The following SAMD12 variants were observed in gnomAD, a reference collection of about 807,000 sequenced individuals.
SAMD12 encodes sterile alpha motif domain containing 12.
In SAMD12, 9 loss-of-function variants were observed where a neutral mutation model predicts 15.0. The observed-to-expected ratio is 0.60, with a 90% CI of 0.36 to 1.05. The LOEUF is 1.05. Among genes scored for constraint, SAMD12 ranks in the 50% least tolerant of loss-of-function variants. The pLI is 0.01. For missense variants in SAMD12, 230 were observed against 234.2 expected, an observed-to-expected ratio of 0.98 and a Z score of 0.12; for synonymous variants, 86 against 90.1, an observed-to-expected ratio of 0.96 and a Z score of 0.25.
chr8:118,507,118 C>T (rs79681530), intron 2 of SAMD12, among the ~76,000 whole-genome samples: 3,576 of 152,136 alleles, frequency 0.024, 111 homozygotes, highest in African/African-American at 0.076. Context: ...TCACTGCATT[C>T]CATGAATTCT....
intron 4 of SAMD12, among the ~76,000 whole-genome samples, chr8:118,203,541 T>A (rs1038706951): frequency 3.9e-5 from 6 of 152,108 alleles, no homozygotes; most frequent in African/African-American, 1.4e-4. Context: ...TGAGGTTGGT[T>A]TGGAAGATAC....
chr8:118,465,271 G>A (rs1320637519), intron 2 of SAMD12, among the ~76,000 whole-genome samples: 1 of 152,160 alleles, frequency 6.6e-6, no homozygotes, highest in Non-Finnish European at 1.5e-5. Flanking sequence ...TTCAGATGGT[G>A]AGTGGAACTC....
intron 2 of SAMD12, among the ~76,000 whole-genome samples, chr8:118,552,010 G>C (rs1021320090): frequency 8.5e-4 from 129 of 151,342 alleles, no homozygotes; most frequent in African/African-American, 3.0e-3. Flanking sequence ...ACCAATAACA[G>C]GAGCTGAAAT....
At chr8:118,445,933 C>T (rs1337750645) in intron 2 of SAMD12, among the ~76,000 whole-genome samples, 1 of 152,104 alleles carries the variant, frequency 6.6e-6, no homozygotes, top group East Asian at 1.9e-4. Flanking sequence ...GGAATTGTAG[C>T]TTATTCATAT....
chr8:118,280,671 T>C (rs1441625238), intron 4 of SAMD12, among the ~76,000 whole-genome samples: 1 of 152,116 alleles, frequency 6.6e-6, no homozygotes, highest in East Asian at 1.9e-4. Flanking sequence ...AGAAAAGCAT[T>C]CTTCAGAAAT....
the SAMD12 span, among the ~76,000 whole-genome samples, chr8:118,170,637 A>G: frequency 6.6e-6 from 1 of 152,326 alleles, no homozygotes; most frequent in Middle Eastern, 3.4e-3. Context: ...TTGCAAAACA[A>G]TAACATGGGA....
At chr8:118,234,439 G>A (rs1312775825) in intron 4 of SAMD12, among the ~76,000 whole-genome samples, 3 of 152,054 alleles carry the variant, frequency 2.0e-5, no homozygotes, top group Admixed American at 6.6e-5. Flanking sequence ...TCTTCCTGAT[G>A]TGGCATTTAA....
intron 1 of SAMD12, among the ~76,000 whole-genome samples, chr8:118,603,793 T>C (rs753014138): frequency 2.6e-5 from 4 of 152,146 alleles, no homozygotes; most frequent in Non-Finnish European, 4.4e-5. Flanking sequence ...TCAGAATTCT[T>C]TGGTGGGGGG....
chr8:118,148,673 C>T, the SAMD12 span, among the ~76,000 whole-genome samples: 1 of 152,172 alleles, frequency 6.6e-6, no homozygotes, highest in Non-Finnish European at 1.5e-5. Flanking sequence ...ATCTTTCATA[C>T]CTTTGTGCAG....
chr8:118,219,835 G>A (rs1812047078), intron 4 of SAMD12, among the ~76,000 whole-genome samples: 1 of 152,226 alleles, frequency 6.6e-6, no homozygotes, highest in South Asian at 2.1e-4. Context: ...CACAGGCAAT[G>A]CCATGTGAAG....
chr8:118,198,411 T>C (rs1439399813), intron 4 of SAMD12, among the ~76,000 whole-genome samples: 3 of 152,226 alleles, frequency 2.0e-5, no homozygotes, highest in Non-Finnish European at 2.9e-5. Context: ...GTTATTTTAT[T>C]TGGGTACTCC....
intron 2 of SAMD12, among the ~76,000 whole-genome samples, chr8:118,517,304 A>T (rs866089142): frequency 1.3e-5 from 2 of 152,222 alleles, no homozygotes; most frequent in Non-Finnish European, 2.9e-5. Context: ...TTCAAAGGTC[A>T]ATCACAGTTG....
chr8:118,617,510 A>G (rs940601904), intron 1 of SAMD12, among the ~76,000 whole-genome samples: 2 of 152,252 alleles, frequency 1.3e-5, no homozygotes, highest in Non-Finnish European at 2.9e-5. Flanking sequence ...AAGAGCACAC[A>G]GTCTTGCATT....
At chr8:118,340,215 A>G (rs894189457) in intron 4 of SAMD12, among the ~76,000 whole-genome samples, 3 of 152,160 alleles carry the variant, frequency 2.0e-5, no homozygotes, top group Admixed American at 2.0e-4. Flanking sequence ...GAAAAACACA[A>G]AAGCTGAGCT....
intron 3 of SAMD12, among the ~76,000 whole-genome samples, chr8:118,414,680 C>A (rs1290137743): frequency 6.6e-6 from 1 of 152,066 alleles, no homozygotes; most frequent in East Asian, 1.9e-4. Flanking sequence ...TGGCAGTAAT[C>A]CCTTTCATAT....
intron 4 of SAMD12, chr8:118,282,323 G>A (rs1216521610): frequency 6.6e-6 from 3 of 456,230 alleles, no homozygotes; most frequent in East Asian, 7.0e-5. Flanking sequence ...AAGGACATGG[G>A]GCTCAAGGTA....
chr8:118,339,695 T>C (rs556032048), intron 4 of SAMD12, among the ~76,000 whole-genome samples: 2 of 152,346 alleles, frequency 1.3e-5, no homozygotes, highest in African/African-American at 4.8e-5. Context: ...TGAGTAATTT[T>C]GTCTCTGTTC....
chr8:118,555,180 C>T (rs962643702), intron 2 of SAMD12, among the ~76,000 whole-genome samples: 8 of 152,176 alleles, frequency 5.3e-5, no homozygotes, highest in African/African-American at 1.9e-4. Flanking sequence ...CAGCGTACCT[C>T]CTCACATCCA....
chr8:118,504,178 C>A (rs1278253689), intron 2 of SAMD12, among the ~76,000 whole-genome samples: 1 of 152,100 alleles, frequency 6.6e-6, no homozygotes, highest in Non-Finnish European at 1.5e-5. Context: ...AAGAAAAGGC[C>A]AACACCTACA....
Sources: allele counts gnomAD v4.1 joint callset (sites outside exome capture counted in the v4.1 genomes callset), GRCh38; gene constraint gnomAD v4.1.1; transcripts MANE v1.5; gene names NCBI Gene and HGNC (gene_info 2026-07-23, HGNC 2026-07-21).